Variants in PEX7 observed in about 807,000 individuals in gnomAD.
PEX7 encodes PTS2 receptor.
Under a neutral mutation model 47.5 loss-of-function variants are expected in PEX7, and 34 were observed. The observed-to-expected ratio is 0.72, with a 90% CI of 0.54 to 0.95. The LOEUF is 0.95. PEX7 is among the 40% of genes least tolerant of loss of function. The pLI is 0.00. For missense variants in PEX7, 394 were observed against 400.3 expected, an observed-to-expected ratio of 0.98 and a Z score of 0.13; for synonymous variants, 141 against 148.8, an observed-to-expected ratio of 0.95 and a Z score of 0.38.
chr6:136,840,972 T>A (rs1442281433), intron 3 of PEX7, among the ~76,000 whole-genome samples: 1 of 152,228 alleles, frequency 6.6e-6, no homozygotes, highest in African/African-American at 2.4e-5. Flanking sequence ...TGCTTTTTCT[T>A]TGTAGTTTTT....
chr6:136,885,581 A>G (rs1775455235), intron 8 of PEX7, among the ~76,000 whole-genome samples: 1 of 152,206 alleles, frequency 6.6e-6, no homozygotes. Context: ...AAATTCAGGC[A>G]TATTTACAGA....
intron 3 of PEX7, among the ~76,000 whole-genome samples, chr6:136,837,268 G>A (rs534635946): frequency 4.1e-5 from 6 of 146,448 alleles, no homozygotes; most frequent in East Asian, 2.1e-4. Flanking sequence ...AGGCTGAGGC[G>A]GGAGAATGGC....
intron 8 of PEX7, among the ~76,000 whole-genome samples, chr6:136,890,343 G>A (rs1345442907): frequency 1.3e-5 from 2 of 152,140 alleles, no homozygotes; most frequent in Non-Finnish European, 2.9e-5. Flanking sequence ...CTCAGACTAT[G>A]GGGTCCCCCA....
At chr6:136,870,281 TA>T (rs1775149966) in intron 7 of PEX7, among the ~76,000 whole-genome samples, 1 of 152,214 alleles carries the variant, frequency 6.6e-6, no homozygotes. Flanking sequence ...TCCTTTAATA[TA>T]TTTTTTTAAC....
Position 136,892,009 on chromosome 6 carries a change from A to G in PEX7, c.804-6133A>G, listed in dbSNP as rs146812033. Among the ~76,000 whole-genome samples the G allele has an allele frequency of 4.9e-4, 74 of 152,328 alleles. 1 individual carries two copies. The East Asian group carries it at 0.012, about 25-fold the overall frequency. ...AGTCCATGTGTTCTATAGGGGGTTCATTGCAAAAGGATGGAAATCTGAGTG... is the reference window on the plus strand; with the variant it reads ...AGTCCATGTGTTCTATAGGGGGTTCGTTGCAAAAGGATGGAAATCTGAGTG... On this transcript the variant is annotated intron_variant, in intron 8 of 9. Coordinates refer to ENST00000318471, the MANE Select transcript of PEX7 (RefSeq NM_000288.4).
At chr6:136,855,243 T>C (rs1425477569) in intron 5 of PEX7, among the ~76,000 whole-genome samples, 1 of 152,220 alleles carries the variant, frequency 6.6e-6, no homozygotes, top group African/African-American at 2.4e-5. Flanking sequence ...TACAATTCCT[T>C]GAACAATTGA....
intron 3 of PEX7, 66 bp from the exon 4 acceptor site, chr6:136,845,549 A>G (rs1344944750): frequency 4.5e-6 from 4 of 893,594 alleles, no homozygotes; most frequent in African/African-American, 1.6e-5. Flanking sequence ...GTTATGTAAC[A>G]AGAGATAAAA....
intron 3 of PEX7, among the ~76,000 whole-genome samples, chr6:136,843,780 G>C (rs1774545650): frequency 6.6e-6 from 1 of 152,030 alleles, no homozygotes; most frequent in Middle Eastern, 3.2e-3. Flanking sequence ...TATAGCTGCT[G>C]TCTGTTGCTG....
intron 6 of PEX7, among the ~76,000 whole-genome samples, chr6:136,867,497 A>G (rs1211668513): frequency 6.6e-6 from 1 of 152,066 alleles, no homozygotes; most frequent in African/African-American, 2.4e-5. Context: ...AAAAGAGTTT[A>G]AAAAGTAAAA....
intron 6 of PEX7, among the ~76,000 whole-genome samples, chr6:136,867,777 AAACAAC>A (rs71816095): frequency 2.7e-5 from 4 of 150,084 alleles, no homozygotes; most frequent in Non-Finnish European, 5.9e-5. Flanking sequence ...CTCCATCTCA[AAACAAC>A]AACAACAACA....
intron 7 of PEX7, among the ~76,000 whole-genome samples, chr6:136,871,208 G>T (rs1048780671): frequency 6.6e-6 from 1 of 152,122 alleles, no homozygotes; most frequent in African/African-American, 2.4e-5. Context: ...CTAAGTGCTG[G>T]TCAAATGTAG....
At chr6:136,860,971 C>G (rs1335189114) in intron 5 of PEX7, among the ~76,000 whole-genome samples, 1 of 152,204 alleles carries the variant, frequency 6.6e-6, no homozygotes, top group Non-Finnish European at 1.5e-5. Flanking sequence ...ACCTTTGTTA[C>G]TGGTTTTTTT....
At chr6:136,827,594 C>G (rs539356333) in intron 3 of PEX7, among the ~76,000 whole-genome samples, 6 of 149,898 alleles carry the variant, frequency 4.0e-5, no homozygotes, top group African/African-American at 1.5e-4. Flanking sequence ...GTGGTGCAAT[C>G]TTGGCTTACT....
At position 136,822,724 on chromosome 6, in the gene PEX7, A is replaced by G. The variant is rs1774099296; in HGVS notation, c.59A>G (p.Tyr20Cys). Residue 20 changes from tyrosine to cysteine, a missense_variant, in exon 1 of 10, where the codon TAC becomes TGC. Transcript: ENST00000318471. ...RMLRTPGRHG[Y>C]AAEFSPYLPG... ...CTGCGGACGCCGGGACGCCACGGCT[A>G]CGCCGCCGAGTTCTCCCCGTACCTG... is the stretch of plus-strand genomic sequence containing the variant. 2 of 1,514,072 alleles carry G rather than the reference A, an allele frequency of 1.3e-6. No homozygotes were observed. The highest frequency in any genetic ancestry group is 1.8e-6 in the Non-Finnish European group (2 of 1,138,044). 93.8% of individuals were successfully genotyped at this position (1,514,072 alleles called of 1,614,324 possible).
intron 7 of PEX7, among the ~76,000 whole-genome samples, chr6:136,871,655 T>C (rs1775183704): frequency 6.6e-6 from 1 of 152,140 alleles, no homozygotes; most frequent in African/African-American, 2.4e-5. Flanking sequence ...ACCTTCTGGG[T>C]TAAAGCAATT....
chr6:136,824,442 A>G (rs1774151887), intron 1 of PEX7, among the ~76,000 whole-genome samples: 1 of 152,104 alleles, frequency 6.6e-6, no homozygotes, highest in South Asian at 2.1e-4. Flanking sequence ...GGTGCAAGCG[A>G]TCTTCCTGCC....
intron 9 of PEX7, among the ~76,000 whole-genome samples, chr6:136,907,992 A>G (rs982664769): frequency 6.6e-5 from 10 of 152,114 alleles, no homozygotes; most frequent in Non-Finnish European, 1.0e-4. Flanking sequence ...TTTCTTTACT[A>G]TCTTTGGATT....
chr6:136,825,072 AC>A, intron 1 of PEX7, 141 bp from the exon 2 acceptor site: 1 of 711,412 alleles, frequency 1.4e-6, no homozygotes, highest in Non-Finnish European at 2.5e-6. Context: ...TGATCACCTG[AC>A]CATTTGGTAT....
intron 5 of PEX7, among the ~76,000 whole-genome samples, chr6:136,853,023 T>C (rs953596471): frequency 2.0e-5 from 3 of 149,092 alleles, no homozygotes; most frequent in African/African-American, 7.5e-5. Flanking sequence ...TACAACTATC[T>C]GATCTTTGAC....
Sources: allele counts gnomAD v4.1 joint callset (sites outside exome capture counted in the v4.1 genomes callset), GRCh38; gene constraint gnomAD v4.1.1; transcripts MANE v1.5; gene names NCBI Gene and HGNC (gene_info 2026-07-23, HGNC 2026-07-21).